SND1: variants seen among roughly 807,000 people sequenced by gnomAD.
SND1 encodes the protein staphylococcal nuclease domain-containing protein 1.
In SND1, 38 loss-of-function variants were observed where a neutral mutation model predicts 121.7. The observed-to-expected ratio is 0.31, with a 90% CI of 0.24 to 0.41. The LOEUF is 0.41. SND1 is among the 10% of genes least tolerant of loss of function. SND1 has a pLI of 1.00. For synonymous variants in SND1, 401 were observed against 447.4 expected, an observed-to-expected ratio of 0.90 and a Z score of 1.31; for missense variants, 868 against 1,184.6, an observed-to-expected ratio of 0.73 and a Z score of 3.92.
At chr7:128,028,431 A>G (rs1803541292) in intron 16 of SND1, 1 of 394,198 alleles carries the variant, frequency 2.5e-6, no homozygotes, top group African/African-American at 2.1e-5. Context: ...TAGCAAGTTA[A>G]CTTGTGGCTT....
intron 13 of SND1, among the ~76,000 whole-genome samples, chr7:127,893,604 G>A (rs962497844): frequency 2.6e-5 from 4 of 152,128 alleles, no homozygotes; most frequent in African/African-American, 9.6e-5. Context: ...GAACAACCTA[G>A]TGTCTGAGCA....
intron 12 of SND1, among the ~76,000 whole-genome samples, chr7:127,885,107 G>A (rs1799870280): frequency 1.3e-5 from 2 of 152,148 alleles, no homozygotes. Context: ...GACACCCCAA[G>A]CCAGACTAGC....
intron 12 of SND1, among the ~76,000 whole-genome samples, chr7:127,852,160 C>CA (rs1242894112): frequency 1.8e-5 from 2 of 108,142 alleles, no homozygotes; most frequent in Admixed American, 9.4e-5. Flanking sequence ...ACTCAGTCTC[C>CA]AAAAAAATAA....
intron 9 of SND1, among the ~76,000 whole-genome samples, chr7:127,719,776 T>G (rs1796457475): frequency 6.6e-6 from 1 of 152,248 alleles, no homozygotes; most frequent in Non-Finnish European, 1.5e-5. Flanking sequence ...TTTCATTGCT[T>G]ACAGTGGTAA....
chr7:127,679,355 C>A (rs1284692948), intron 1 of SND1: 1 of 152,164 alleles, frequency 6.6e-6, no homozygotes, highest in East Asian at 1.9e-4. Flanking sequence ...ATCTAATCTT[C>A]CTGCAAGAAT....
chr7:127,654,671 G>T (rs1323476512), intron 1 of SND1, among the ~76,000 whole-genome samples: 1 of 152,224 alleles, frequency 6.6e-6, no homozygotes, highest in African/African-American at 2.4e-5. Context: ...TGTGGAAGAT[G>T]ATTGAGTCTG....
chr7:128,088,220 G>A (rs372880776), intron 21 of SND1, among the ~76,000 whole-genome samples: 1 of 150,712 alleles, frequency 6.6e-6, no homozygotes, highest in East Asian at 2.0e-4. Context: ...CAAGCAGGGA[G>A]GACTGCTTGA....
chr7:128,089,545 G>A lies in SND1; in HGVS notation c.2475G>A (p.Gln825=). The change falls in exon 22 of 24, where the codon CAG becomes CAA. Residue 825 remains glutamine (Q), a synonymous_variant. Coordinates refer to ENST00000354725, the MANE Select transcript of SND1 (RefSeq NM_014390.4). ...TAGTTCGGGATATCCAGAACACTCA[G>A]TGCCTGCTCAACGTGGAACACCTGA... ...DSVVRDIQNT[Q]CLLNVEHLSA... is the part of the protein sequence containing the mutation. 1.2e-6 allele frequency: 2 copies of A among 1,614,246 alleles called. No individual in the cohort carries two copies. The highest frequency in any genetic ancestry group is 1.7e-6 in the Non-Finnish European group (2 of 1,180,042).
At chr7:127,690,604 A>G (rs529127450) in intron 2 of SND1, among the ~76,000 whole-genome samples, 1 of 152,370 alleles carries the variant, frequency 6.6e-6, no homozygotes, top group Non-Finnish European at 1.5e-5. Context: ...GCAAGCTCCA[A>G]AGAAGAGAGC....
At chr7:127,669,224 C>G (rs1795472997) in intron 1 of SND1, among the ~76,000 whole-genome samples, 1 of 152,224 alleles carries the variant, frequency 6.6e-6, no homozygotes, top group South Asian at 2.1e-4. Context: ...AACTCTTGCT[C>G]AGGTGATCCG....
chr7:128,019,443 G>A (rs1803299094), intron 16 of SND1, among the ~76,000 whole-genome samples: 2 of 152,180 alleles, frequency 1.3e-5, no homozygotes, highest in Admixed American at 1.3e-4. Flanking sequence ...TTAGGAGTGG[G>A]AATCATTAGA....
chr7:127,906,051 G>C (rs1258511550), intron 14 of SND1, among the ~76,000 whole-genome samples: 1 of 152,176 alleles, frequency 6.6e-6, no homozygotes, highest in Non-Finnish European at 1.5e-5. Flanking sequence ...CCTAGGTGTA[G>C]TGGTTTCCTG....
intron 15 of SND1, among the ~76,000 whole-genome samples, chr7:127,966,925 TGAAAG>T (rs1201199082): frequency 1.4e-4 from 22 of 151,944 alleles, no homozygotes; most frequent in African/African-American, 5.1e-4. Flanking sequence ...GCTGGTTTTT[TGAAAG>T]GATCAACAAA....
chr7:127,748,116 T>C (rs1797013541), intron 10 of SND1, among the ~76,000 whole-genome samples: 1 of 152,140 alleles, frequency 6.6e-6, no homozygotes, highest in South Asian at 2.1e-4. Flanking sequence ...TGCATGAAAA[T>C]AGGATATTGA....
intron 16 of SND1, among the ~76,000 whole-genome samples, chr7:128,017,287 G>A (rs915318839): frequency 1.3e-5 from 2 of 152,174 alleles, no homozygotes; most frequent in African/African-American, 4.8e-5. Flanking sequence ...CCTAGATGGG[G>A]ACTTACAGAG....
chr7:127,975,085 T>C (rs1174269383), intron 15 of SND1, among the ~76,000 whole-genome samples: 1 of 152,202 alleles, frequency 6.6e-6, no homozygotes, highest in Non-Finnish European at 1.5e-5. Flanking sequence ...TGTTTTATAT[T>C]TTTAGAGGAC....
chr7:127,758,246 A>G (rs1186498083), intron 10 of SND1, among the ~76,000 whole-genome samples: 1 of 152,224 alleles, frequency 6.6e-6, no homozygotes, highest in Non-Finnish European at 1.5e-5. Flanking sequence ...ACATTTGACA[A>G]ACAAGGAAAT....
intron 10 of SND1, among the ~76,000 whole-genome samples, chr7:127,722,963 A>G (rs145958364): frequency 7.9e-5 from 12 of 152,272 alleles, no homozygotes; most frequent in African/African-American, 2.2e-4. Context: ...CACATCTCCA[A>G]TTTTATCAGT....
chr7:127,877,435 G>T (rs1225071712), intron 12 of SND1, among the ~76,000 whole-genome samples: 1 of 151,976 alleles, frequency 6.6e-6, no homozygotes, highest in African/African-American at 2.4e-5. Flanking sequence ...TCTTTCCTGA[G>T]ATCTCAGGTA....
Sources: allele counts gnomAD v4.1 joint callset (sites outside exome capture counted in the v4.1 genomes callset), GRCh38; gene constraint gnomAD v4.1.1; transcripts MANE v1.5; gene names NCBI Gene and HGNC (gene_info 2026-07-23, HGNC 2026-07-21).